LARP4B: variants seen among roughly 807,000 people sequenced by gnomAD.
The protein encoded by LARP4B is La ribonucleoprotein 4B.
A neutral mutation model predicts 89.8 loss-of-function variants in LARP4B; 12 were observed. The observed-to-expected ratio is 0.13, with a 90% CI of 0.09 to 0.22. LARP4B has a LOEUF of 0.22. Ranked by LOEUF, LARP4B falls within the 10% of genes least tolerant of loss-of-function variation. The pLI is 1.00. For synonymous variants in LARP4B, 367 were observed against 363.3 expected (o/e 1.01, Z -0.12); for missense variants, 757 against 947.7 (o/e 0.80, Z 2.64).
At chr10:862,332 A>G (rs1431303520) in intron 5 of LARP4B, among the ~76,000 whole-genome samples, 1 of 148,550 alleles carries the variant, frequency 6.7e-6, no homozygotes, top group Non-Finnish European at 1.5e-5. Flanking sequence ...ACAGTTTCTG[A>G]CTTTGACAGT....
downstream of LARP4B, chr10:808,625 A>G (rs1318117700): frequency 6.6e-6 from 1 of 152,170 alleles, no homozygotes; most frequent in African/African-American, 2.4e-5. Flanking sequence ...CTCACTGGTG[A>G]TACTGGAAAA....
chr10:908,573 G>A lies in LARP4B; in HGVS notation c.-39-22813C>T, dbSNP rs138150126. Among the ~76,000 whole-genome samples, 684 of 152,302 alleles carry A rather than the reference G, an allele frequency of 4.5e-3. 2 individuals carry two copies. The highest frequency in any genetic ancestry group is 7.6e-3 in the Non-Finnish European group (514 of 68,018). On this transcript the variant is annotated intron_variant, in intron 1 of 17. Coordinates refer to ENST00000316157, the MANE Select transcript of LARP4B (RefSeq NM_015155.3). Reference sequence around the variant, plus strand: ...ACACTATCTCCAGGTAGAGTGTTGAGACTGAAGGGGAGGGTGCCCCACTGG... The same window carrying A: ...ACACTATCTCCAGGTAGAGTGTTGAAACTGAAGGGGAGGGTGCCCCACTGG...
the LARP4B span, among the ~76,000 whole-genome samples, chr10:965,898 C>T: frequency 1.3e-5 from 2 of 152,090 alleles, no homozygotes; most frequent in African/African-American, 4.8e-5. Context: ...GGCCCCTTCC[C>T]GGCAGTGGCT....
At chr10:972,184 C>A in the LARP4B span, 6 of 303,592 alleles carry the variant, frequency 2.0e-5, no homozygotes, top group Non-Finnish European at 3.9e-5. Flanking sequence ...TGTGTCAACA[C>A]GCCTGGGTAA....
At chr10:953,575 A>C in the LARP4B span, among the ~76,000 whole-genome samples, 1 of 145,352 alleles carries the variant, frequency 6.9e-6, no homozygotes, top group African/African-American at 2.6e-5. Flanking sequence ...AAATCGCACC[A>C]GTCCAGAACC....
intron 3 of LARP4B, among the ~76,000 whole-genome samples, chr10:883,835 TGGG>T (rs528320678): frequency 1.3e-5 from 2 of 151,288 alleles, no homozygotes; most frequent in Non-Finnish European, 2.9e-5. Context: ...CTGCTTATAA[TGGG>T]GGGGGAATAG....
At chr10:835,830 G>A (rs936168450) in intron 8 of LARP4B, among the ~76,000 whole-genome samples, 1 of 152,062 alleles carries the variant, frequency 6.6e-6, no homozygotes, top group African/African-American at 2.4e-5. Context: ...CTACTCGGGA[G>A]GCTGAGGCAG....
intron 3 of LARP4B, among the ~76,000 whole-genome samples, chr10:868,203 A>G (rs1835013729): frequency 6.6e-6 from 1 of 152,114 alleles, no homozygotes; most frequent in African/African-American, 2.4e-5. Context: ...CCGGTGAGGT[A>G]CAGAAAGCAG....
chr10:832,977 C>T (rs990412039), intron 8 of LARP4B, among the ~76,000 whole-genome samples: 2 of 152,026 alleles, frequency 1.3e-5, no homozygotes, highest in Non-Finnish European at 2.9e-5. Flanking sequence ...TATTGTGAGG[C>T]TTATGACTGT....
chr10:853,141 T>C (rs1334221037), intron 5 of LARP4B, among the ~76,000 whole-genome samples: 1 of 152,182 alleles, frequency 6.6e-6, no homozygotes, highest in African/African-American at 2.4e-5. Context: ...AAAGTAACTA[T>C]GAAAAACAGA....
At chr10:888,918 C>T (rs1257768844) in intron 1 of LARP4B, among the ~76,000 whole-genome samples, 1 of 152,162 alleles carries the variant, frequency 6.6e-6, no homozygotes, top group African/African-American at 2.4e-5. Flanking sequence ...ACACTCATCT[C>T]TACACAAAAT....
chr10:971,469 A>G, the LARP4B span: 1 of 152,212 alleles, frequency 6.6e-6, no homozygotes, highest in Non-Finnish European at 1.5e-5. Context: ...ATAGTAGGAA[A>G]AAACATTTTC....
At chr10:826,968 G>A (rs930493177) in intron 11 of LARP4B, among the ~76,000 whole-genome samples, 1 of 152,094 alleles carries the variant, frequency 6.6e-6, no homozygotes, top group Non-Finnish European at 1.5e-5. Flanking sequence ...TGTAAGAATC[G>A]GACTTTTTAA....
chr10:922,087 TG>T, intron 1 of LARP4B, among the ~76,000 whole-genome samples: 1 of 148,782 alleles, frequency 6.7e-6, no homozygotes, highest in East Asian at 2.0e-4. Flanking sequence ...GGTCAGGGGG[TG>T]GGGGGTGGTG....
intron 1 of LARP4B, among the ~76,000 whole-genome samples, chr10:912,025 T>A (rs1339341371): frequency 6.6e-6 from 1 of 152,200 alleles, no homozygotes; most frequent in Non-Finnish European, 1.5e-5. Context: ...GATGGGCTGG[T>A]CACAGTGGGC....
intron 1 of LARP4B, among the ~76,000 whole-genome samples, chr10:900,420 C>CTTTTTTT (rs529963345): frequency 0.025 from 1,142 of 45,236 alleles, 426 homozygotes; most frequent in East Asian, 0.033. Flanking sequence ...AGAAGGATGT[C>CTTTTTTT]TTTTTTTTTT....
At chr10:932,434 A>C (rs189811803), upstream of LARP4B, among the ~76,000 whole-genome samples, 993 of 11,506 alleles carry the variant, frequency 0.086, 2 homozygotes, top group Non-Finnish European at 0.12. Flanking sequence ...GGCCCTGCCC[A>C]GAACTCCCAC....
the LARP4B span, among the ~76,000 whole-genome samples, chr10:960,689 C>G: frequency 1.9e-5 from 2 of 106,638 alleles, no homozygotes; most frequent in Non-Finnish European, 3.4e-5. Flanking sequence ...GCCAGGGCAA[C>G]AGAGTGAGAC....
At chr10:828,721 C>G (rs1342312400) in intron 11 of LARP4B, among the ~76,000 whole-genome samples, 5 of 152,224 alleles carry the variant, frequency 3.3e-5, no homozygotes, top group Admixed American at 1.3e-4. Context: ...AACCTCTAGG[C>G]CATGAACCCA....
Sources: allele counts gnomAD v4.1 joint callset (sites outside exome capture counted in the v4.1 genomes callset), GRCh38; gene constraint gnomAD v4.1.1; transcripts MANE v1.5; gene names NCBI Gene and HGNC (gene_info 2026-07-23, HGNC 2026-07-21).